The following PLCL1 variants were observed in gnomAD, a reference collection of about 807,000 sequenced individuals.
PLCL1 encodes inactive phospholipase C-like protein 1.
In PLCL1, 41 loss-of-function variants were observed where a neutral mutation model predicts 84.4. The ratio of observed to expected loss-of-function variants is 0.49; its 90% confidence interval spans 0.38 to 0.63. PLCL1 has a LOEUF of 0.63. Among genes scored for constraint, PLCL1 ranks in the 30% least tolerant of loss-of-function variants. The probability of loss-of-function intolerance (pLI) is 0.00; values close to 1 mark genes in which losing one functional copy is unlikely to be tolerated. For synonymous variants in PLCL1, 490 were observed against 488.3 expected (o/e 1.00, Z -0.05); for missense variants, 1,206 against 1,367.8 (o/e 0.88, Z 1.87).
intron 1 of PLCL1, among the ~76,000 whole-genome samples, chr2:197,917,027 G>A (rs1688612293): frequency 1.3e-5 from 2 of 152,136 alleles, no homozygotes; most frequent in Non-Finnish European, 2.9e-5. Flanking sequence ...CAAGAATGCA[G>A]AGCAAAAGGA....
intron 5 of PLCL1, among the ~76,000 whole-genome samples, chr2:198,140,209 T>C (rs183919659): frequency 6.6e-6 from 1 of 152,250 alleles, no homozygotes; most frequent in Admixed American, 6.5e-5. Flanking sequence ...TGGGTTTTAT[T>C]GAGTGATACA....
intron 1 of PLCL1, among the ~76,000 whole-genome samples, chr2:198,032,171 ATCTG>A (rs1559080548): frequency 6.6e-6 from 1 of 151,974 alleles, no homozygotes. Flanking sequence ...CTAAGAATCA[ATCTG>A]TCTGTGTGCT....
chr2:197,877,762 T>C (rs1055164296), intron 1 of PLCL1, among the ~76,000 whole-genome samples: 3 of 152,052 alleles, frequency 2.0e-5, no homozygotes, highest in African/African-American at 7.2e-5. Context: ...AAATAAATGT[T>C]TTGGGAGGTT....
Position 197,966,845 on chromosome 2 carries a change from A to ATT in PLCL1, c.241-116891_241-116890dup, listed in dbSNP as rs34706360. 2.7e-3 allele frequency among the ~76,000 whole-genome samples: 268 copies of ATT among 100,232 alleles called. 1 individual carries two copies. Among genetic ancestry groups the ATT allele is most frequent in the Middle Eastern group, 0.012 (2 of 164 alleles). 65.8% of individuals were successfully genotyped at this position (100,232 alleles called of 152,430 possible). ...TCTTGCTCTGTCTCCATCCATACTA[A>ATT]TTTTTTTTTTTTTTTTTTTTTTTGA... On this transcript the variant is annotated intron_variant, in intron 1 of 5. Coordinates refer to ENST00000428675, the MANE Select transcript of PLCL1 (RefSeq NM_006226.4).
intron 1 of PLCL1, among the ~76,000 whole-genome samples, chr2:198,037,015 GTT>G (rs1266533637): frequency 6.6e-6 from 1 of 152,078 alleles, no homozygotes; most frequent in Non-Finnish European, 1.5e-5. Flanking sequence ...AAAACCTCAG[GTT>G]TGTCTCTGGG....
At chr2:197,828,169 G>C (rs1002057352) in intron 1 of PLCL1, among the ~76,000 whole-genome samples, 3 of 151,966 alleles carry the variant, frequency 2.0e-5, no homozygotes, top group African/African-American at 7.2e-5. Flanking sequence ...TAGATCTTTT[G>C]TAAATATCAG....
At chr2:197,984,618 C>G (rs779455654) in intron 1 of PLCL1, among the ~76,000 whole-genome samples, 1 of 152,192 alleles carries the variant, frequency 6.6e-6, no homozygotes, top group East Asian at 1.9e-4. Context: ...GTCCATAATA[C>G]CAACTTGTTA....
chr2:198,144,134 G>C (rs1694458963), intron 5 of PLCL1, among the ~76,000 whole-genome samples: 1 of 152,190 alleles, frequency 6.6e-6, no homozygotes, highest in Admixed American at 6.5e-5. Context: ...ATGCCATGCT[G>C]TGGGAAAAGG....
intron 1 of PLCL1, among the ~76,000 whole-genome samples, chr2:197,854,775 CA>C (rs1169271113): frequency 1.3e-5 from 2 of 152,238 alleles, no homozygotes; most frequent in South Asian, 4.1e-4. Context: ...AAATTACTAG[CA>C]CTCAGGAGTT....
intron 3 of PLCL1, among the ~76,000 whole-genome samples, chr2:198,090,092 GC>G (rs1692983978): frequency 6.6e-6 from 1 of 152,056 alleles, no homozygotes; most frequent in African/African-American, 2.4e-5. Context: ...TTTATTCTAA[GC>G]CAGTAGAGAG....
intron 1 of PLCL1, among the ~76,000 whole-genome samples, chr2:198,069,513 G>A (rs1692413023): frequency 1.3e-5 from 2 of 152,090 alleles, no homozygotes; most frequent in African/African-American, 4.8e-5. Context: ...CACTAGAATT[G>A]AGTGTTAATA....
chr2:198,029,728 A>G lies in PLCL1; in HGVS notation c.241-54030A>G, dbSNP rs571032502. On this transcript the variant is annotated intron_variant, in intron 1 of 5. Transcript: ENST00000428675. ...CTTCTCTCTTCTCTTTTTTTTTGAG[A>G]CAGTCTCAAAAAAAGAGGCTGGAAT... is the stretch of plus-strand genomic sequence containing the variant. Among the ~76,000 whole-genome samples, 568 of 147,626 alleles carry G rather than the reference A, an allele frequency of 3.8e-3. 6 individuals carry two copies. The highest frequency in any genetic ancestry group is 0.014 in the African/African-American group (544 of 39,954).
At chr2:197,946,908 C>T (rs1256296969) in intron 1 of PLCL1, among the ~76,000 whole-genome samples, 3 of 152,094 alleles carry the variant, frequency 2.0e-5, no homozygotes, top group Admixed American at 6.6e-5. Context: ...TTTCTGAGAC[C>T]TTCTACTGCA....
chr2:197,942,571 G>A (rs1048470537), intron 1 of PLCL1, among the ~76,000 whole-genome samples: 23 of 152,132 alleles, frequency 1.5e-4, no homozygotes, highest in African/African-American at 5.6e-4. Context: ...AAAGTATGAC[G>A]AGAACTATGA....
intron 1 of PLCL1, among the ~76,000 whole-genome samples, chr2:198,023,575 A>T (rs1691190327): frequency 6.6e-6 from 1 of 152,208 alleles, no homozygotes; most frequent in Admixed American, 6.5e-5. Context: ...CCCCATCAAA[A>T]AGTGGGCGAA....
At chr2:197,897,170 TC>T (rs1688159241) in intron 1 of PLCL1, among the ~76,000 whole-genome samples, 9 of 47,734 alleles carry the variant, frequency 1.9e-4, no homozygotes, top group African/African-American at 1.1e-3. Flanking sequence ...TTCTTCTTCT[TC>T]TTCTTCTTCT....
intron 1 of PLCL1, among the ~76,000 whole-genome samples, chr2:197,974,863 C>T (rs947735451): frequency 3.3e-5 from 5 of 152,180 alleles, no homozygotes; most frequent in African/African-American, 7.2e-5. Context: ...GATGCTTGGC[C>T]GGGCGCAGTG....
At chr2:197,881,575 G>A (rs74724605) in intron 1 of PLCL1, among the ~76,000 whole-genome samples, 2,026 of 151,940 alleles carry the variant, frequency 0.013, 51 homozygotes, top group African/African-American at 0.046. Flanking sequence ...TACTGCCCAT[G>A]TGACCTTGGC....
intron 1 of PLCL1, among the ~76,000 whole-genome samples, chr2:197,876,583 G>GC (rs1687736215): frequency 6.6e-6 from 1 of 151,568 alleles, no homozygotes; most frequent in Non-Finnish European, 1.5e-5. Flanking sequence ...ATACTACCTT[G>GC]TTTTTTTTCC....
Sources: gnomAD v4.1 joint callset for allele counts (sites outside exome capture counted in the v4.1 genomes callset) on GRCh38, gnomAD v4.1.1 for gene constraint, MANE v1.5 for transcripts, NCBI Gene and HGNC (gene_info 2026-07-23, HGNC 2026-07-21) for gene names.